CASR: variants seen among roughly 807,000 people sequenced by gnomAD.
The protein encoded by CASR is calcium sensing receptor.
In CASR, 23 loss-of-function variants were observed where a neutral mutation model predicts 69.1. The observed-to-expected ratio is 0.33, with a 90% confidence interval of 0.24 to 0.47. CASR has a LOEUF of 0.47. Ranked by LOEUF, CASR falls within the 20% of genes least tolerant of loss-of-function variation. CASR has a pLI of 1.00. For synonymous variants in CASR, 541 were observed against 544.7 expected, an observed-to-expected ratio of 0.99 and a Z score of 0.10; for missense variants, 924 against 1,356.1, an observed-to-expected ratio of 0.68 and a Z score of 5.00.
chr3:122,270,152 T>C (rs1279439287), intron 4 of CASR, among the ~76,000 whole-genome samples: 1 of 152,158 alleles, frequency 6.6e-6, no homozygotes, highest in Non-Finnish European at 1.5e-5. Flanking sequence ...TGTGGGAAAA[T>C]TTTGAACTGA....
chr3:122,258,089 A>G (rs2074576254), intron 3 of CASR, among the ~76,000 whole-genome samples: 1 of 152,180 alleles, frequency 6.6e-6, no homozygotes, highest in Non-Finnish European at 1.5e-5. Context: ...GTGCCATTTT[A>G]TAACCTGACA....
chr3:122,233,659 G>C (rs1276202433), intron 1 of CASR, among the ~76,000 whole-genome samples: 2 of 152,162 alleles, frequency 1.3e-5, no homozygotes, highest in African/African-American at 4.8e-5. Flanking sequence ...TTATGTCTAT[G>C]CCCCACCCAG....
rs182161768 is a variant in CASR at position 122,221,900 on chromosome 3, T to G, written c.-242-32048T>G. ...CTTTTACCTATTGCTCACCTCCCTCTTATTTCTCCATTTAACTCCCATCCT... is the reference window on the plus strand; with the variant it reads ...CTTTTACCTATTGCTCACCTCCCTCGTATTTCTCCATTTAACTCCCATCCT... On this transcript the variant is annotated intron_variant, in intron 1 of 6. Coordinates refer to ENST00000639785, the MANE Select transcript of CASR (RefSeq NM_000388.4). 2.6e-5 allele frequency among the ~76,000 whole-genome samples: 4 copies of G among 152,336 alleles called. No homozygotes were observed. In the East Asian group the frequency reaches 7.7e-4, roughly 29 times the overall value.
intron 5 of CASR, among the ~76,000 whole-genome samples, chr3:122,276,708 G>C (rs1008379806): frequency 2.0e-5 from 3 of 152,172 alleles, no homozygotes; most frequent in Non-Finnish European, 2.9e-5. Context: ...TAAATCAAAA[G>C]AACAATTTAT....
At chr3:122,242,953 A>C (rs1200900888) in intron 1 of CASR, among the ~76,000 whole-genome samples, 1 of 152,116 alleles carries the variant, frequency 6.6e-6, no homozygotes, top group Non-Finnish European at 1.5e-5. Context: ...AATGGTGCTG[A>C]GAAAATTGGA....
At chr3:122,225,493 A>G (rs1197141841) in intron 1 of CASR, among the ~76,000 whole-genome samples, 2 of 151,778 alleles carry the variant, frequency 1.3e-5, no homozygotes, top group East Asian at 1.9e-4. Flanking sequence ...AGGGAAATGC[A>G]AATCAAAACC....
chr3:122,272,421 C>T (rs998176234), intron 4 of CASR, among the ~76,000 whole-genome samples: 3 of 151,840 alleles, frequency 2.0e-5, no homozygotes, highest in Non-Finnish European at 2.9e-5. Flanking sequence ...CATAACACAT[C>T]ATGTTTATTC....
chr3:122,281,756 C>T (rs970011323), intron 5 of CASR, among the ~76,000 whole-genome samples: 1 of 152,094 alleles, frequency 6.6e-6, no homozygotes, highest in Non-Finnish European at 1.5e-5. Flanking sequence ...TTCTTATGTC[C>T]TTTGAGTCTG....
intron 1 of CASR, among the ~76,000 whole-genome samples, chr3:122,239,455 T>A (rs2074360046): frequency 6.6e-6 from 1 of 152,216 alleles, no homozygotes; most frequent in South Asian, 2.1e-4. Context: ...GGCTCCCAAC[T>A]GTGTCTCTGG....
intron 1 of CASR, among the ~76,000 whole-genome samples, chr3:122,246,025 A>G (rs530326655): frequency 1.6e-4 from 25 of 152,328 alleles, no homozygotes; most frequent in African/African-American, 6.0e-4. Flanking sequence ...ATAGTTTTAC[A>G]ATGATTTGTG....
intron 1 of CASR, among the ~76,000 whole-genome samples, chr3:122,215,716 A>C (rs2074111129): frequency 6.6e-6 from 1 of 152,252 alleles, no homozygotes; most frequent in South Asian, 2.1e-4. Flanking sequence ...GCCAGGAGCC[A>C]TTGAAGTCCA....
intron 1 of CASR, among the ~76,000 whole-genome samples, chr3:122,222,309 T>G (rs138114785): frequency 6.6e-6 from 1 of 152,132 alleles, no homozygotes; most frequent in Admixed American, 6.6e-5. Context: ...ATGCATAGAG[T>G]GCCTAGCAGC....
intron 1 of CASR, among the ~76,000 whole-genome samples, chr3:122,185,118 T>C (rs2073765452): frequency 6.6e-6 from 1 of 152,222 alleles, no homozygotes. Context: ...GATGGAGTCT[T>C]ATCATTATTT....
Position 122,224,317 on chromosome 3 carries a change from G to A in CASR, c.-242-29631G>A, listed in dbSNP as rs1456397455. On this transcript the variant is annotated intron_variant, in intron 1 of 6. Transcript: ENST00000639785. Reference sequence around the variant, plus strand: ...CCCAAAGACTCTGCAAAAAGGCTCAGAGAACTGGTAAACAACTTTAGTAAA... The same window carrying A: ...CCCAAAGACTCTGCAAAAAGGCTCAAAGAACTGGTAAACAACTTTAGTAAA... Among the ~76,000 whole-genome samples, 4 of 152,154 alleles carry A rather than the reference G, an allele frequency of 2.6e-5. No individual in the cohort carries two copies. The East Asian group carries it at 7.7e-4, about 29-fold the overall frequency.
chr3:122,268,590 G>T (rs1235033564), intron 4 of CASR, among the ~76,000 whole-genome samples: 1 of 152,192 alleles, frequency 6.6e-6, no homozygotes, highest in Non-Finnish European at 1.5e-5. Flanking sequence ...GCAAATAATT[G>T]AGAGTGCACA....
intron 1 of CASR, among the ~76,000 whole-genome samples, chr3:122,249,964 T>C (rs1259697482): frequency 6.6e-6 from 1 of 152,180 alleles, no homozygotes; most frequent in Non-Finnish European, 1.5e-5. Flanking sequence ...ATTTCCTAGG[T>C]TGTAGCTCCT....
At chr3:122,188,502 C>CA (rs35443049) in intron 1 of CASR, among the ~76,000 whole-genome samples, 26,111 of 151,684 alleles carry the variant, frequency 0.17, 2,331 homozygotes, top group African/African-American at 0.2. Context: ...TGATCGGTAC[C>CA]AAAAAAAATG....
chr3:122,200,554 A>G (rs1576817452), intron 1 of CASR, among the ~76,000 whole-genome samples: 1 of 152,198 alleles, frequency 6.6e-6, no homozygotes, highest in Non-Finnish European at 1.5e-5. Context: ...ATCCATGTTA[A>G]TGACTATCAC....
chr3:122,256,950 C>T (rs1276368273), intron 2 of CASR, 131 bp from the exon 3 acceptor site: 9 of 790,876 alleles, frequency 1.1e-5, no homozygotes, highest in African/African-American at 3.4e-5. Context: ...AGAGAGGGCT[C>T]TGTACAGAGC....
Sources: gnomAD v4.1 joint callset for allele counts (sites outside exome capture counted in the v4.1 genomes callset) on GRCh38, gnomAD v4.1.1 for gene constraint, MANE v1.5 for transcripts, NCBI Gene and HGNC (gene_info 2026-07-23, HGNC 2026-07-21) for gene names.